Variants in AR observed in about 807,000 individuals in gnomAD.
The protein encoded by AR is dihydrotestosterone receptor.
Under a neutral mutation model 53.9 loss-of-function variants are expected in AR, and 8 were observed. The observed-to-expected ratio is 0.15, with a 90% confidence interval of 0.09 to 0.27. The LOEUF (loss-of-function observed/expected upper bound fraction) is 0.27. AR is among the 10% of genes least tolerant of loss of function. The pLI, the probability that AR is intolerant of heterozygous loss-of-function variation, is 1.00. For synonymous variants in AR, 359 were observed against 316.4 expected, an observed-to-expected ratio of 1.13 and a Z score of -1.43; for missense variants, 639 against 742.5, an observed-to-expected ratio of 0.86 and a Z score of 1.62.
Position 67,717,414 on chromosome X carries a change from A to T in AR, c.2174-64A>T, listed in dbSNP as rs745931394. The T allele has an allele frequency of 1.5e-4, 176 of 1,187,746 alleles. No individual in the cohort carries two copies. In the South Asian group the frequency reaches 2.0e-3, roughly 14 times the overall value. On this transcript the variant is annotated intron_variant, in intron 4 of 7. Transcript: ENST00000374690. ...ACCAGAGCATCTCTGCCCAACAGGG[A>T]CTCAGACTTAGCTCAACCCGTCAGT...
At chrX:67,694,599 C>G in intron 3 of AR, 3 of 1,140,598 alleles carry the variant, frequency 2.6e-6, no homozygotes, top group Non-Finnish European at 3.5e-6. Context: ...TCTTAGGCAT[C>G]TGATTATGGA....
At chrX:67,667,639 G>A (rs1026910942) in intron 2 of AR, among the ~76,000 whole-genome samples, 1 of 111,377 alleles carries the variant, frequency 9.0e-6, no homozygotes, top group African/African-American at 3.3e-5. Flanking sequence ...TGAATCTGTA[G>A]ATAGCTTCAG....
chrX:67,574,247 A>G (rs1266836874), intron 1 of AR, among the ~76,000 whole-genome samples: 1 of 111,605 alleles, frequency 9.0e-6, no homozygotes, highest in Non-Finnish European at 1.9e-5. Flanking sequence ...GACATATTTT[A>G]TAGAAGGTGA....
chrX:67,678,192 G>A (rs1207749634), intron 2 of AR, among the ~76,000 whole-genome samples: 1 of 111,588 alleles, frequency 9.0e-6, no homozygotes, highest in Non-Finnish European at 1.9e-5. Context: ...CGCTAAGCCT[G>A]CATGGAAGAG....
At position 67,545,502 on chromosome X, in the gene AR, C is replaced by A. The variant is rs1929683215; in HGVS notation, c.356C>A (p.Pro119Gln). 2 of 1,194,350 alleles carry A rather than the reference C, an allele frequency of 1.7e-6. No homozygotes were observed. The highest frequency in any genetic ancestry group is 6.1e-5 in the East Asian group (2 of 32,908). The change falls in exon 1 of 8, where the codon CCG becomes CAG. Residue 119 changes from proline (P) to glutamine (Q), a missense_variant. Around this residue, in one of 5 missense-constraint regions of AR, gnomAD observed 423 missense variants for 377.0 expected, o/e 1.12. Coordinates refer to ENST00000374690, the MANE Select transcript of AR (RefSeq NM_000044.6). ...GATGAGGAACAGCAACCTTCACAGC[C>A]GCAGTCGGCCCTGGAGTGCCACCCC... is the stretch of plus-strand genomic sequence containing the variant. ...VLDEEQQPSQ[P>Q]QSALECHPER... is the part of the protein sequence containing the mutation.
intron 1 of AR, among the ~76,000 whole-genome samples, chrX:67,599,072 G>C (rs1394955565): frequency 9.0e-6 from 1 of 111,593 alleles, no homozygotes; most frequent in Non-Finnish European, 1.9e-5. Flanking sequence ...AAATAAACCA[G>C]AAATATGTAT....
intron 1 of AR, among the ~76,000 whole-genome samples, chrX:67,591,072 C>G (rs1035002488): frequency 1.8e-5 from 2 of 111,291 alleles, no homozygotes; most frequent in African/African-American, 3.3e-5. Flanking sequence ...AAACTTTAAG[C>G]CAGGTATGTG....
At chrX:67,653,805 G>T (rs1479058187) in intron 2 of AR, among the ~76,000 whole-genome samples, 1 of 111,197 alleles carries the variant, frequency 9.0e-6, no homozygotes, top group Non-Finnish European at 1.9e-5. Flanking sequence ...TTACCACCTG[G>T]CCTTAAGCAT....
At chrX:67,605,128 T>C (rs1023062494) in intron 1 of AR, among the ~76,000 whole-genome samples, 1 of 112,602 alleles carries the variant, frequency 8.9e-6, no homozygotes, top group African/African-American at 3.2e-5. Flanking sequence ...GCTGTTATTG[T>C]CTGCCTCCAG....
At chrX:67,687,910 C>G (rs2075975657) in intron 3 of AR, among the ~76,000 whole-genome samples, 2 of 112,219 alleles carry the variant, frequency 1.8e-5, no homozygotes, top group South Asian at 7.4e-4. Flanking sequence ...TATTAAGCAG[C>G]CTGTGATGTG....
At chrX:67,602,002 A>C (rs1923388566) in intron 1 of AR, among the ~76,000 whole-genome samples, 1 of 111,774 alleles carries the variant, frequency 8.9e-6, no homozygotes, top group Non-Finnish European at 1.9e-5. Flanking sequence ...CCCATATCAA[A>C]TCCTCTTTGG....
At chrX:67,679,759 C>T (rs1441761076) in intron 2 of AR, among the ~76,000 whole-genome samples, 1 of 111,604 alleles carries the variant, frequency 9.0e-6, no homozygotes, top group Non-Finnish European at 1.9e-5. Context: ...CTGTCTGTTG[C>T]CCATTTTTCT....
At chrX:67,602,980 G>A (rs1217931176) in intron 1 of AR, among the ~76,000 whole-genome samples, 1 of 111,696 alleles carries the variant, frequency 9.0e-6, no homozygotes, top group African/African-American at 3.3e-5. Context: ...CTGTGAAGTT[G>A]TAGTTGAGAA....
intron 1 of AR, chrX:67,568,696 C>A (rs767727853): frequency 6.6e-5 from 13 of 196,959 alleles, no homozygotes; most frequent in Non-Finnish European, 9.2e-5. Flanking sequence ...ACATTTGAAT[C>A]TTGGCAATTA....
At chrX:67,608,043 C>T (rs1394859379) in intron 1 of AR, among the ~76,000 whole-genome samples, 7 of 111,902 alleles carry the variant, frequency 6.3e-5, no homozygotes, top group Non-Finnish European at 9.4e-5. Context: ...TCTTAAAGTC[C>T]GATGCCCAGC....
At chrX:67,621,339 G>A (rs943280759) in intron 1 of AR, among the ~76,000 whole-genome samples, 2 of 111,229 alleles carry the variant, frequency 1.8e-5, no homozygotes, top group African/African-American at 3.3e-5. Context: ...GATTTTTGTC[G>A]TTGTTGTTGT....
intron 2 of AR, among the ~76,000 whole-genome samples, chrX:67,681,551 T>C (rs964420284): frequency 8.9e-6 from 1 of 112,343 alleles, no homozygotes; most frequent in African/African-American, 3.2e-5. Flanking sequence ...TTTCAATACT[T>C]TGTGCCCATT....
At chrX:67,695,462 G>C in intron 3 of AR, 1 of 754,026 alleles carries the variant, frequency 1.3e-6, no homozygotes, top group Non-Finnish European at 1.6e-6. Context: ...CACACTCCTT[G>C]ATTGCTCTCT....
intron 3 of AR, chrX:67,696,169 G>C (rs2076020239): frequency 8.4e-6 from 6 of 716,715 alleles, no homozygotes; most frequent in Non-Finnish European, 6.5e-6. Flanking sequence ...TTTCTCTCTC[G>C]TTTGCTTTCC....
Sources: gnomAD v4.1 joint callset for allele counts (sites outside exome capture counted in the v4.1 genomes callset) on GRCh38, gnomAD v4.1.1 for gene constraint, gnomAD v4.1.1 regional missense constraint, MANE v1.5 for transcripts, NCBI Gene and HGNC (gene_info 2026-07-23, HGNC 2026-07-21) for gene names.